The following LRRTM4 variants were observed in gnomAD, a reference collection of about 807,000 sequenced individuals.
LRRTM4 encodes leucine rich repeat transmembrane neuronal 4.
LRRTM4 carries 25 observed loss-of-function variants against 47.6 expected under a neutral mutation model. That is an observed-to-expected ratio of 0.53 (90% CI 0.38 to 0.73). LRRTM4 has a LOEUF of 0.73. Among genes scored for constraint, LRRTM4 ranks in the 30% least tolerant of loss-of-function variants. LRRTM4 has a pLI of 0.00. For missense variants in LRRTM4, 638 were observed against 713.4 expected (o/e 0.89, Z 1.20); for synonymous variants, 311 against 269.5 (o/e 1.15, Z -1.51).
chr2:77,014,384 A>G (rs17013615), intron 3 of LRRTM4, among the ~76,000 whole-genome samples: 34,357 of 151,920 alleles, frequency 0.23, 4,307 homozygotes, highest in East Asian at 0.41. Flanking sequence ...TCAAATGTAC[A>G]GAACACAAAT....
chr2:77,061,593 A>C (rs991401256), intron 3 of LRRTM4, among the ~76,000 whole-genome samples: 1 of 152,118 alleles, frequency 6.6e-6, no homozygotes, highest in African/African-American at 2.4e-5. Flanking sequence ...TAGCAAGATT[A>C]AACACTGCTT....
chr2:76,780,070 A>T (rs1376507618), intron 3 of LRRTM4, among the ~76,000 whole-genome samples: 1 of 152,108 alleles, frequency 6.6e-6, no homozygotes, highest in Non-Finnish European at 1.5e-5. Flanking sequence ...TCTTTTCTTT[A>T]TGAATGTTGA....
chr2:76,835,356 T>C (rs1294009930), intron 3 of LRRTM4, among the ~76,000 whole-genome samples: 1 of 152,060 alleles, frequency 6.6e-6, no homozygotes, highest in Non-Finnish European at 1.5e-5. Flanking sequence ...ACATCATGTT[T>C]CAGTTTAAAA....
chr2:77,368,297 A>T (rs1371795702), intron 3 of LRRTM4, among the ~76,000 whole-genome samples: 1 of 151,788 alleles, frequency 6.6e-6, no homozygotes, highest in African/African-American at 2.4e-5. Flanking sequence ...TTGGAGAGGC[A>T]GAGGAACTGG....
intron 3 of LRRTM4, among the ~76,000 whole-genome samples, chr2:77,133,133 G>A (rs1366930803): frequency 6.6e-6 from 1 of 152,142 alleles, no homozygotes; most frequent in Non-Finnish European, 1.5e-5. Flanking sequence ...GTCATAAGAA[G>A]CATTGTGAGC....
intron 3 of LRRTM4, among the ~76,000 whole-genome samples, chr2:77,280,410 A>C (rs2104097982): frequency 6.6e-6 from 1 of 152,208 alleles, no homozygotes; most frequent in Non-Finnish European, 1.5e-5. Context: ...AGACTTTGTT[A>C]TAATAGTTAT....
intron 3 of LRRTM4, among the ~76,000 whole-genome samples, chr2:76,801,312 C>A (rs932729893): frequency 8.5e-5 from 13 of 152,160 alleles, no homozygotes; most frequent in African/African-American, 2.4e-4. Flanking sequence ...GGCACATATA[C>A]ACCATGGAAT....
At chr2:76,777,407 CA>C (rs1674083454) in intron 3 of LRRTM4, among the ~76,000 whole-genome samples, 1 of 145,354 alleles carries the variant, frequency 6.9e-6, no homozygotes, top group South Asian at 2.4e-4. Context: ...AATGTTCTTC[CA>C]TTTGTTTGTA....
intron 3 of LRRTM4, among the ~76,000 whole-genome samples, chr2:77,087,032 C>T (rs1157848999): frequency 6.6e-6 from 1 of 151,720 alleles, no homozygotes; most frequent in African/African-American, 2.4e-5. Context: ...TTATCAGAAA[C>T]ACAAAAGAAG....
At chr2:77,362,672 C>T (rs1024765231) in intron 3 of LRRTM4, among the ~76,000 whole-genome samples, 1 of 152,078 alleles carries the variant, frequency 6.6e-6, no homozygotes, top group African/African-American at 2.4e-5. Context: ...TAAAATCTGA[C>T]CAGTGATGAG....
chr2:76,888,505 T>C (rs1044039029), intron 3 of LRRTM4, among the ~76,000 whole-genome samples: 33 of 151,814 alleles, frequency 2.2e-4, no homozygotes, highest in African/African-American at 7.9e-4. Context: ...AAATACAATA[T>C]GTATACACAT....
At chr2:76,876,675 T>A (rs552768115) in intron 3 of LRRTM4, among the ~76,000 whole-genome samples, 3 of 152,168 alleles carry the variant, frequency 2.0e-5, no homozygotes, top group African/African-American at 7.2e-5. Flanking sequence ...ACTTTCTTTA[T>A]AAATGACAGA....
At chr2:77,449,888 A>G (rs1391252342) in intron 3 of LRRTM4, among the ~76,000 whole-genome samples, 1 of 152,130 alleles carries the variant, frequency 6.6e-6, no homozygotes, top group Non-Finnish European at 1.5e-5. Flanking sequence ...TTCCACTCCT[A>G]CCTAAACCAG....
chr2:76,851,077 A>C (rs942839699), intron 3 of LRRTM4, among the ~76,000 whole-genome samples: 3 of 152,190 alleles, frequency 2.0e-5, no homozygotes, highest in African/African-American at 7.2e-5. Context: ...TTTTGCTAAC[A>C]GTGCACATTC....
chr2:77,308,455 A>T (rs1461843897), intron 3 of LRRTM4, among the ~76,000 whole-genome samples: 2 of 152,088 alleles, frequency 1.3e-5, no homozygotes, highest in Non-Finnish European at 2.9e-5. Context: ...TTATCAACTG[A>T]CTAGCCCCTT....
At chr2:77,517,331 C>A in intron 3 of LRRTM4, 1 of 983,328 alleles carries the variant, frequency 1.0e-6, no homozygotes. Flanking sequence ...GGGAGGATAC[C>A]CAGAACTCAA....
intron 3 of LRRTM4, among the ~76,000 whole-genome samples, chr2:77,244,588 A>G (rs531486885): frequency 6.6e-6 from 1 of 151,536 alleles, no homozygotes; most frequent in Non-Finnish European, 1.5e-5. Flanking sequence ...TATGCCCTCC[A>G]CCCCCTCCTG....
chr2:77,321,233 C>T (rs927434345), intron 3 of LRRTM4, among the ~76,000 whole-genome samples: 9 of 152,018 alleles, frequency 5.9e-5, no homozygotes, highest in African/African-American at 2.2e-4. Flanking sequence ...GACAGAGATT[C>T]CCCTCTGCAT....
chr2:77,071,206 C>T (rs1215424296), intron 3 of LRRTM4, among the ~76,000 whole-genome samples: 1 of 152,128 alleles, frequency 6.6e-6, no homozygotes, highest in Admixed American at 6.5e-5. Context: ...ACATAAAATC[C>T]CACTGTCCAA....
Sources: allele counts gnomAD v4.1 joint callset (sites outside exome capture counted in the v4.1 genomes callset), GRCh38; gene constraint gnomAD v4.1.1; transcripts MANE v1.5; gene names NCBI Gene and HGNC (gene_info 2026-07-23, HGNC 2026-07-21).